ST6GALNAC5: variants seen among roughly 807,000 people sequenced by gnomAD.
The protein encoded by ST6GALNAC5 is ST6 N-acetylgalactosaminide alpha-2,6-sialyltransferase 5.
Under a neutral mutation model 33.6 loss-of-function variants are expected in ST6GALNAC5, and 27 were observed. The ratio of observed to expected loss-of-function variants is 0.80; its 90% CI spans 0.59 to 1.11. The LOEUF (loss-of-function observed/expected upper bound fraction) is 1.11, where lower values mean the gene tolerates loss of function less well. Among genes scored for constraint, ST6GALNAC5 ranks in the 50% least tolerant of loss-of-function variants. ST6GALNAC5 has a pLI of 0.00. For missense variants in ST6GALNAC5, 428 were observed against 454.0 expected (o/e 0.94, Z 0.52); for synonymous variants, 194 against 171.2 (o/e 1.13, Z -1.04).
At chr1:77,020,996 C>A (rs1392460304) in intron 2 of ST6GALNAC5, among the ~76,000 whole-genome samples, 3 of 152,148 alleles carry the variant, frequency 2.0e-5, no homozygotes, top group African/African-American at 7.2e-5. Flanking sequence ...CAGGCAGAAG[C>A]CACATCACCA....
chr1:76,867,737 G>T, intron 1 of ST6GALNAC5, 47 bp downstream of exon 1: 1 of 1,613,992 alleles, frequency 6.2e-7, no homozygotes. Context: ...GGGATCCCCG[G>T]GCTCAGGGTC....
intron 2 of ST6GALNAC5, among the ~76,000 whole-genome samples, chr1:76,993,460 CA>C (rs1475209507): frequency 6.3e-4 from 96 of 152,274 alleles, no homozygotes; most frequent in Non-Finnish European, 2.2e-4. Flanking sequence ...TCTCATATGT[CA>C]GTGTTATGTT....
At chr1:76,992,230 A>C (rs1649763319) in intron 2 of ST6GALNAC5, among the ~76,000 whole-genome samples, 1 of 152,080 alleles carries the variant, frequency 6.6e-6, no homozygotes, top group African/African-American at 2.4e-5. Flanking sequence ...GAGTAACTCT[A>C]TGTCTTTTAG....
At chr1:76,876,042 G>C (rs1384087473) in intron 2 of ST6GALNAC5, among the ~76,000 whole-genome samples, 1 of 152,210 alleles carries the variant, frequency 6.6e-6, no homozygotes, top group Non-Finnish European at 1.5e-5. Flanking sequence ...GGTGGATAAG[G>C]CATTCAGTGA....
rs1244047918 is a variant in ST6GALNAC5 at position 77,014,509 on chromosome 1, A to C, written c.262-29695A>C. The stretch of plus-strand genomic sequence containing the variant: ...GGAAAAGGCTTAGAATGATCCAAGC[A>C]GTGAATTTTATGACAGTAACTACCA... On this transcript the variant is annotated intron_variant, in intron 2 of 4. Transcript: ENST00000477717. Among the ~76,000 whole-genome samples the C allele has an allele frequency of 3.3e-5, 5 of 152,242 alleles. No homozygotes were observed. In the East Asian group the frequency reaches 9.6e-4, roughly 29 times the overall value.
intron 3 of ST6GALNAC5, among the ~76,000 whole-genome samples, chr1:77,046,382 C>A (rs1224693629): frequency 6.6e-6 from 1 of 152,228 alleles, no homozygotes; most frequent in Non-Finnish European, 1.5e-5. Context: ...CCCCCAAATT[C>A]TTTGTGTGGA....
intron 2 of ST6GALNAC5, among the ~76,000 whole-genome samples, chr1:76,878,962 C>G (rs777066549): frequency 6.6e-6 from 1 of 152,026 alleles, no homozygotes; most frequent in Non-Finnish European, 1.5e-5. Context: ...TCACTTGGCC[C>G]CTGCCACCTC....
intron 2 of ST6GALNAC5, among the ~76,000 whole-genome samples, chr1:76,943,473 A>G (rs942847249): frequency 5.3e-5 from 8 of 152,104 alleles, no homozygotes; most frequent in African/African-American, 1.7e-4. Flanking sequence ...GTAAAAAAAT[A>G]ATTGTAGAAG....
chr1:76,971,813 A>G (rs1039448784), intron 2 of ST6GALNAC5, among the ~76,000 whole-genome samples: 1 of 152,166 alleles, frequency 6.6e-6, no homozygotes, highest in Non-Finnish European at 1.5e-5. Context: ...TCACTTTCAC[A>G]CCATCGTAAA....
intron 2 of ST6GALNAC5, among the ~76,000 whole-genome samples, chr1:76,910,986 A>C (rs1206198566): frequency 1.3e-5 from 2 of 152,094 alleles, no homozygotes; most frequent in Non-Finnish European, 2.9e-5. Context: ...TTTCATGTGC[A>C]CTGAGAGAAA....
chr1:77,045,277 G>A (rs1651970200), intron 3 of ST6GALNAC5, among the ~76,000 whole-genome samples: 1 of 152,186 alleles, frequency 6.6e-6, no homozygotes, highest in African/African-American at 2.4e-5. Context: ...GGATAAAATG[G>A]AACAGAGTAG....
chr1:76,878,923 C>T (rs868454546), intron 2 of ST6GALNAC5, among the ~76,000 whole-genome samples: 1 of 152,150 alleles, frequency 6.6e-6, no homozygotes, highest in African/African-American at 2.4e-5. Flanking sequence ...GGTAGCTATG[C>T]CCACCTTGCC....
chr1:76,922,952 A>G lies in ST6GALNAC5; in HGVS notation c.261+54210A>G, dbSNP rs561787776. Reference sequence around the variant, plus strand: ...CCTTGCCTCAAAAAAAAAAAAAAGAAAAAAGAAAAGAAACTTTTAAGAAGA... The same window carrying G: ...CCTTGCCTCAAAAAAAAAAAAAAGAGAAAAGAAAAGAAACTTTTAAGAAGA... On this transcript the variant is annotated intron_variant, in intron 2 of 4. Transcript: ENST00000477717. 1.3e-4 allele frequency among the ~76,000 whole-genome samples: 20 copies of G among 151,826 alleles called. No homozygotes were observed. In the South Asian group the frequency reaches 4.2e-3, roughly 32 times the overall value.
Position 76,868,502 on chromosome 1 carries a change from T to A in ST6GALNAC5, c.21T>A (p.His7Gln), listed in dbSNP as rs1003968550. 1 of 1,602,444 alleles carries A rather than the reference T, an allele frequency of 6.2e-7. No homozygotes were observed. Among genetic ancestry groups the A allele is most frequent in the Non-Finnish European group, 8.5e-7 (1 of 1,172,580 alleles). The change falls in exon 2 of 5, where the codon CAT becomes CAA. Residue 7 changes from histidine (H) to glutamine (Q), a missense_variant. Coordinates refer to ENST00000477717, the MANE Select transcript of ST6GALNAC5 (RefSeq NM_030965.3). The surrounding 1 kb of genome is among the most constrained non-coding windows in gnomAD (Gnocchi z 4.3). ...TCTCTCCCGCCCGCCCGCAGCGCCA[T>A]GGTCTGGCAGTGTGTTTAGCGCTCA... is the stretch of plus-strand genomic sequence containing the variant. The part of the protein sequence containing the change: MKTLMR[H>Q]GLAVCLALTT...
intron 2 of ST6GALNAC5, among the ~76,000 whole-genome samples, chr1:76,937,933 C>T (rs1434712895): frequency 6.6e-6 from 1 of 152,012 alleles, no homozygotes; most frequent in Non-Finnish European, 1.5e-5. Context: ...ATCCATTTCA[C>T]ACACGTATGT....
chr1:76,904,654 A>ATC (rs1309709115), intron 2 of ST6GALNAC5, among the ~76,000 whole-genome samples: 2 of 152,034 alleles, frequency 1.3e-5, no homozygotes, highest in African/African-American at 4.8e-5. Context: ...GCGAAACCCC[A>ATC]TCTGTACCAA....
At chr1:77,051,908 G>T (rs935546428) in intron 4 of ST6GALNAC5, among the ~76,000 whole-genome samples, 1 of 152,132 alleles carries the variant, frequency 6.6e-6, no homozygotes. Context: ...AAATTGAAAT[G>T]TTAATGACTT....
intron 2 of ST6GALNAC5, among the ~76,000 whole-genome samples, chr1:76,912,165 C>T (rs1250672101): frequency 6.6e-6 from 1 of 152,012 alleles, no homozygotes; most frequent in Non-Finnish European, 1.5e-5. Context: ...TTTATTTCTG[C>T]CTTCATTTCG....
chr1:77,035,326 A>G (rs1395434271), intron 2 of ST6GALNAC5, among the ~76,000 whole-genome samples: 2 of 152,206 alleles, frequency 1.3e-5, no homozygotes, highest in Non-Finnish European at 1.5e-5. Context: ...TTTGGATCCC[A>G]TATAAAAATA....
Sources: allele counts gnomAD v4.1 joint callset (sites outside exome capture counted in the v4.1 genomes callset), GRCh38; gene constraint gnomAD v4.1.1; non-coding constraint Gnocchi (gnomAD v3.1); transcripts MANE v1.5; gene names NCBI Gene and HGNC (gene_info 2026-07-23, HGNC 2026-07-21).